SMAP2: variants seen among roughly 807,000 people sequenced by gnomAD.
SMAP2 encodes small ArfGAP2.
A neutral mutation model predicts 56.4 loss-of-function variants in SMAP2; 25 were observed. The ratio of observed to expected loss-of-function variants is 0.44; its 90% CI spans 0.32 to 0.62. SMAP2 has a LOEUF of 0.62. Ranked by LOEUF, SMAP2 falls within the 20% of genes least tolerant of loss-of-function variation. The pLI, the probability that SMAP2 is intolerant of heterozygous loss-of-function variation, is 0.04. For synonymous variants in SMAP2, 157 were observed against 181.7 expected (o/e 0.86, Z 1.09); for missense variants, 388 against 545.6 (o/e 0.71, Z 2.88).
chr1:40,389,059 G>C (rs539797490), intron 1 of SMAP2, among the ~76,000 whole-genome samples: 3 of 152,020 alleles, frequency 2.0e-5, no homozygotes, highest in African/African-American at 7.3e-5. Flanking sequence ...AACAAACTCC[G>C]GACACGCCGC....
At chr1:40,414,675 G>C (rs1219374603) in intron 6 of SMAP2, among the ~76,000 whole-genome samples, 4 of 152,122 alleles carry the variant, frequency 2.6e-5, no homozygotes, top group Non-Finnish European at 5.9e-5. Flanking sequence ...TAGCAGTTTT[G>C]CTAAACAGCA....
intron 1 of SMAP2, among the ~76,000 whole-genome samples, chr1:40,357,540 T>C (rs1451507104): frequency 2.0e-5 from 3 of 152,094 alleles, no homozygotes; most frequent in Non-Finnish European, 4.4e-5. Context: ...AGTGTTTTCT[T>C]TTAGTAGTTT....
At chr1:40,413,196 C>A in intron 5 of SMAP2, 94 bp downstream of exon 5, 1 of 905,882 alleles carries the variant, frequency 1.1e-6, no homozygotes, top group Non-Finnish European at 1.8e-6. Flanking sequence ...AGTACCATTG[C>A]ACCATCACAG....
At chr1:40,358,405 G>A (rs945750880) in intron 1 of SMAP2, among the ~76,000 whole-genome samples, 3 of 152,098 alleles carry the variant, frequency 2.0e-5, no homozygotes, top group African/African-American at 7.2e-5. Flanking sequence ...TTAGCTGGGC[G>A]TGGTGGTGGA....
At chr1:40,381,161 C>G (rs771232618) in intron 1 of SMAP2, among the ~76,000 whole-genome samples, 1 of 152,122 alleles carries the variant, frequency 6.6e-6, no homozygotes, top group Non-Finnish European at 1.5e-5. Flanking sequence ...AGGGGAACTT[C>G]GCAAGCCTGA....
upstream of SMAP2, among the ~76,000 whole-genome samples, chr1:40,371,309 A>T (rs1644495417): frequency 6.6e-6 from 1 of 152,138 alleles, no homozygotes; most frequent in African/African-American, 2.4e-5. Flanking sequence ...TGTACTTGGG[A>T]GGAGCAGTTT....
At chr1:40,377,906 C>T (rs1644557291) in intron 1 of SMAP2, among the ~76,000 whole-genome samples, 1 of 152,148 alleles carries the variant, frequency 6.6e-6, no homozygotes, top group East Asian at 1.9e-4. Context: ...TCCACAGATG[C>T]TCAAGTCCCT....
In SMAP2 at chr1:40,416,235, GT is replaced by G; in HGVS notation, c.744del (p.Pro249ArgfsTer10). ...AGSVPENLNL[F>X]PEPGSKSEEI... ...GCTCTGTTCCTGAAAATCTGAACCT[GT>G]TTCCGGAGCCAGGGAGCAAATCAGA... is the stretch of plus-strand genomic sequence containing the variant. On this transcript the variant is annotated frameshift_variant, in exon 8 of 10. Coordinates refer to ENST00000372718, the MANE Select transcript of SMAP2 (RefSeq NM_022733.3). LOFTEE classifies it high-confidence loss of function. 2 of 1,614,050 alleles carry G rather than the reference GT, an allele frequency of 1.2e-6. No individual in the cohort carries two copies. Among genetic ancestry groups the G allele is most frequent in the Non-Finnish European group, 1.7e-6 (2 of 1,180,004 alleles).
At chr1:40,349,421 A>T (rs1644401333) in intron 1 of SMAP2, among the ~76,000 whole-genome samples, 1 of 152,218 alleles carries the variant, frequency 6.6e-6, no homozygotes, top group Non-Finnish European at 1.5e-5. Flanking sequence ...GAGGTTAAGT[A>T]TCTTGCCTCA....
intron 6 of SMAP2, among the ~76,000 whole-genome samples, chr1:40,415,013 C>G (rs2294753): frequency 1.2e-4 from 19 of 152,128 alleles, no homozygotes; most frequent in Admixed American, 7.2e-4. Flanking sequence ...GCCAGCCCCC[C>G]ACTGTGGTGC....
chr1:40,411,754 T>C (rs192187318), intron 4 of SMAP2, among the ~76,000 whole-genome samples: 16 of 152,216 alleles, frequency 1.1e-4, no homozygotes, highest in African/African-American at 3.9e-4. Context: ...CATTTTTAAC[T>C]TAAATGAAAT....
chr1:40,421,464 G>A (rs960160631), intron 9 of SMAP2, among the ~76,000 whole-genome samples: 2 of 138,458 alleles, frequency 1.4e-5, no homozygotes, highest in Non-Finnish European at 1.6e-5. Flanking sequence ...CCCCGCCCCC[G>A]CCCCGCCACC....
chr1:40,366,105 A>T lies in SMAP2; in HGVS notation c.55+3669A>T, dbSNP rs552761566. The stretch of plus-strand genomic sequence containing the variant: ...TCAACTGGAAGAAAGGGTGTCAGCA[A>T]TGGAAGATGAAATGAATGAAATGAA... On this transcript the variant is annotated intron_variant, in intron 2 of 6. Coordinates refer to the SMAP2 transcript ENST00000435168. 1.1e-3 allele frequency among the ~76,000 whole-genome samples: 163 copies of T among 151,664 alleles called. 1 individual carries two copies. Among genetic ancestry groups the T allele is most frequent in the African/African-American group, 3.7e-3 (152 of 41,348 alleles).
At chr1:40,397,425 T>C (rs1003783979) in intron 1 of SMAP2, among the ~76,000 whole-genome samples, 3 of 152,138 alleles carry the variant, frequency 2.0e-5, no homozygotes, top group African/African-American at 7.2e-5. Context: ...TTCTCTAGAG[T>C]GTGCTAAAAT....
intron 1 of SMAP2, among the ~76,000 whole-genome samples, chr1:40,396,483 A>G (rs144155313): frequency 1.9e-4 from 29 of 152,174 alleles, no homozygotes; most frequent in African/African-American, 6.7e-4. Context: ...ACATGTTTTA[A>G]TTTTCTTTGT....
At chr1:40,383,189 T>C (rs1644615829) in intron 1 of SMAP2, among the ~76,000 whole-genome samples, 3 of 152,178 alleles carry the variant, frequency 2.0e-5, no homozygotes, top group Middle Eastern at 3.4e-3. Flanking sequence ...GCAAGGAAAA[T>C]AGTGCACTGG....
At chr1:40,376,850 G>T (rs1336662558) in intron 1 of SMAP2, among the ~76,000 whole-genome samples, 3 of 152,198 alleles carry the variant, frequency 2.0e-5, no homozygotes, top group African/African-American at 7.2e-5. Flanking sequence ...CCAGTTAGAT[G>T]ATGTGGCATA....
At chr1:40,420,483 G>A (rs1057173330) in intron 9 of SMAP2, among the ~76,000 whole-genome samples, 4 of 152,152 alleles carry the variant, frequency 2.6e-5, no homozygotes, top group African/African-American at 9.7e-5. Context: ...TAAAAACCAG[G>A]TGTGGAATGG....
intron 3 of SMAP2, 75 bp from the exon 4 acceptor site, chr1:40,409,682 T>C: frequency 9.6e-7 from 1 of 1,036,670 alleles, no homozygotes; most frequent in Non-Finnish European, 1.5e-6. Context: ...CAATGCTCCG[T>C]GGAACACAAT....
Sources: allele counts gnomAD v4.1 joint callset (sites outside exome capture counted in the v4.1 genomes callset), GRCh38; gene constraint gnomAD v4.1.1; transcripts MANE v1.5; gene names NCBI Gene and HGNC (gene_info 2026-07-23, HGNC 2026-07-21).